Variants in ZNF354B observed in about 807,000 individuals in gnomAD.
ZNF354B encodes zinc finger protein 354B.
A neutral mutation model predicts 12.9 loss-of-function variants in ZNF354B; 10 were observed. The ratio of observed to expected loss-of-function variants is 0.77; its 90% CI spans 0.48 to 1.31. The LOEUF (loss-of-function observed/expected upper bound fraction) is 1.31, where lower values mean the gene tolerates loss of function less well. ZNF354B is among the 40% of genes most tolerant of loss of function. ZNF354B has a pLI of 0.00. For synonymous variants in ZNF354B, 260 were observed against 243.7 expected (o/e 1.07, Z -0.62); for missense variants, 614 against 711.7 (o/e 0.86, Z 1.56).
intron 4 of ZNF354B, among the ~76,000 whole-genome samples, chr5:178,871,392 C>T (rs1470373960): frequency 1.3e-5 from 2 of 152,214 alleles, no homozygotes; most frequent in Non-Finnish European, 2.9e-5. Flanking sequence ...CTTCCTTGTG[C>T]TGCACTGGCT....
chr5:178,881,901 A>G (rs1746593084), intron 4 of ZNF354B, among the ~76,000 whole-genome samples: 1 of 152,206 alleles, frequency 6.6e-6, no homozygotes, highest in Admixed American at 6.5e-5. Flanking sequence ...ATCTGCAAAT[A>G]GAGGTAGTTT....
chr5:178,866,427 C>G, intron 3 of ZNF354B, 57 bp downstream of exon 3: 1 of 1,566,230 alleles, frequency 6.4e-7, no homozygotes, highest in East Asian at 2.3e-5. Context: ...CTCAGCACCT[C>G]CTTCCCTGAA....
chr5:178,862,909 T>G (rs1757384161), intron 2 of ZNF354B, among the ~76,000 whole-genome samples: 1 of 152,104 alleles, frequency 6.6e-6, no homozygotes, highest in South Asian at 2.1e-4. Context: ...TGTGTAAAAT[T>G]CAGTGAAGGG....
rs1757755361 is a variant in ZNF354B at position 178,883,674 on chromosome 5, A to G, written c.1222A>G (p.Lys408Glu). 6.2e-7 allele frequency: 1 copy of G among 1,614,116 alleles called. No homozygotes were observed. The highest frequency in any genetic ancestry group is 2.2e-5 in the East Asian group (1 of 44,866). ...IQHERIHTGE[K>E]PYRCNECGKG... is the part of the protein sequence containing the mutation. ...ACATGAAAGAATTCACACCGGAGAA[A>G]AGCCCTATAGATGCAATGAATGTGG... The change falls in exon 5 of 5, where the codon AAG becomes GAG. Residue 408 changes from lysine to glutamate, a missense_variant. Physicochemically the swap from Lys to Glu is moderately conservative, Grantham distance 56 (BLOSUM62 1). Transcript: ENST00000322434.
chr5:178,866,234 G>A lies in ZNF354B; in HGVS notation c.34-10G>A. The A allele has an allele frequency of 6.2e-7, 1 of 1,613,712 alleles. No individual in the cohort carries two copies. The highest frequency in any genetic ancestry group is 1.1e-5 in the South Asian group (1 of 91,024). On this transcript the variant is annotated splice_polypyrimidine_tract_variant and intron_variant, in intron 2 of 4. Coordinates refer to ENST00000322434, the MANE Select transcript of ZNF354B (RefSeq NM_058230.3). ...GGTCCTGGGTGAGCTGGAACGACTT[G>A]TCCTTACAGGTGTCACTGACATTCG...
At chr5:178,876,321 T>G (rs1188017617) in intron 4 of ZNF354B, among the ~76,000 whole-genome samples, 1 of 152,188 alleles carries the variant, frequency 6.6e-6, no homozygotes, top group Non-Finnish European at 1.5e-5. Context: ...GCTGTGCACT[T>G]CCTGGAGTTC....
In ZNF354B at chr5:178,883,859, A is replaced by G. The variant is rs747944758; in HGVS notation, c.1407A>G (p.Lys469=). 2.1e-5 allele frequency: 34 copies of G among 1,613,984 alleles called. No homozygotes were observed. The change falls in exon 5 of 5, where the codon AAA becomes AAG. Residue 469 remains lysine (K), a synonymous_variant. Coordinates refer to ENST00000322434, the MANE Select transcript of ZNF354B (RefSeq NM_058230.3). The stretch of plus-strand genomic sequence containing the variant: ...CTGGAGAAAAACCATGTAAATGTAA[A>G]GTATGTGGAAAAGCCTTCAGACAGA... The part of the protein sequence containing the change: ...IHTGEKPCKC[K]VCGKAFRQSS...
In ZNF354B at chr5:178,883,126, A is replaced by G. The variant is rs1757745290; in HGVS notation, c.674A>G (p.His225Arg). Reference protein sequence around the residue: ...KCSTCEKAFIHNSSLRKHQKN... With the variant: ...KCSTCEKAFIRNSSLRKHQKN... ...AGTACATGTGAAAAAGCCTTCATTC[A>G]CAATTCATCCCTTCGTAAACATCAG... Residue 225 changes from histidine (H) to arginine (R), a missense_variant, in exon 5 of 5, where the codon CAC becomes CGC. By Grantham distance (29) the His-to-Arg change is conservative. Transcript: ENST00000322434. 3 of 1,611,732 alleles carry G rather than the reference A, an allele frequency of 1.9e-6. No individual in the cohort carries two copies. The East Asian group carries it at 6.7e-5, about 36-fold the overall frequency.
At chr5:178,880,636 G>A (rs1757703444) in intron 4 of ZNF354B, among the ~76,000 whole-genome samples, 1 of 151,692 alleles carries the variant, frequency 6.6e-6, no homozygotes, top group Non-Finnish European at 1.5e-5. Flanking sequence ...CAGGACTGCA[G>A]ATGAGTGCCA....
intron 4 of ZNF354B, among the ~76,000 whole-genome samples, chr5:178,875,067 G>C (rs1021987593): frequency 6.6e-6 from 1 of 152,154 alleles, no homozygotes; most frequent in African/African-American, 2.4e-5. Flanking sequence ...CAGTAGGTAG[G>C]CTCTTACTCA....
intron 4 of ZNF354B, among the ~76,000 whole-genome samples, chr5:178,875,309 A>G (rs535191971): frequency 2.3e-4 from 35 of 152,220 alleles, no homozygotes; most frequent in South Asian, 8.3e-4. Flanking sequence ...TCACTTGTCT[A>G]TGGGCCTCTA....
At chr5:178,865,599 CTT>C (rs138389411) in intron 2 of ZNF354B, among the ~76,000 whole-genome samples, 22,527 of 152,008 alleles carry the variant, frequency 0.15, 2,030 homozygotes, top group African/African-American at 0.25. Flanking sequence ...CTCTCAGTGA[CTT>C]TGCTTTCTGT....
intron 3 of ZNF354B, 47 bp downstream of exon 3, chr5:178,866,417 C>G (rs1358107925): frequency 6.3e-7 from 1 of 1,583,990 alleles, no homozygotes; most frequent in Non-Finnish European, 8.6e-7. Context: ...ATTGGGATAT[C>G]TCAGCACCTC....
chr5:178,876,011 C>T (rs901339677), intron 4 of ZNF354B, among the ~76,000 whole-genome samples: 1 of 152,196 alleles, frequency 6.6e-6, no homozygotes, highest in African/African-American at 2.4e-5. Flanking sequence ...GGTAGAGAGA[C>T]TGGGCTCATC....
At chr5:178,866,012 G>T (rs980749885) in intron 2 of ZNF354B, among the ~76,000 whole-genome samples, 1 of 152,190 alleles carries the variant, frequency 6.6e-6, no homozygotes, top group African/African-American at 2.4e-5. Flanking sequence ...CCCACTAATG[G>T]CCGTAATTCC....
chr5:178,882,625 A>C, intron 4 of ZNF354B, 84 bp from the exon 5 acceptor site: 1 of 1,376,676 alleles, frequency 7.3e-7, no homozygotes, highest in Non-Finnish European at 9.7e-7. Flanking sequence ...ACCCTTACTG[A>C]GATACAATTA....
At chr5:178,863,207 G>A (rs896435637) in intron 2 of ZNF354B, among the ~76,000 whole-genome samples, 17 of 152,194 alleles carry the variant, frequency 1.1e-4, no homozygotes, top group Middle Eastern at 6.8e-3. Context: ...GGGTTATGGT[G>A]TAAATTTTAG....
At chr5:178,864,225 C>T (rs566823190) in intron 2 of ZNF354B, among the ~76,000 whole-genome samples, 88 of 152,288 alleles carry the variant, frequency 5.8e-4, no homozygotes, top group African/African-American at 2.1e-3. Flanking sequence ...ACAGGTGTAC[C>T]ATTTCTTCTG....
intron 2 of ZNF354B, among the ~76,000 whole-genome samples, chr5:178,861,951 C>T (rs1757354928): frequency 6.6e-6 from 1 of 152,164 alleles, no homozygotes; most frequent in Admixed American, 6.5e-5. Context: ...TGAGTAGTTA[C>T]TGCTCAGCAT....
Sources: gnomAD v4.1 joint callset for allele counts (sites outside exome capture counted in the v4.1 genomes callset) on GRCh38, gnomAD v4.1.1 for gene constraint, MANE v1.5 for transcripts, NCBI Gene and HGNC (gene_info 2026-07-23, HGNC 2026-07-21) for gene names.